The following GABRP variants were observed in gnomAD, a reference collection of about 807,000 sequenced individuals.
GABRP encodes the protein gamma-aminobutyric acid type A receptor subunit pi.
In GABRP, 52 loss-of-function variants were observed where a neutral mutation model predicts 47.8. The observed-to-expected ratio is 1.09, with a 90% CI of 0.87 to 1.37. The LOEUF (loss-of-function observed/expected upper bound fraction) is 1.37. Ranked by LOEUF, GABRP falls within the 40% of genes most tolerant of loss-of-function variation. The pLI, the probability that GABRP is intolerant of heterozygous loss-of-function variation, is 0.00. For synonymous variants in GABRP, 221 were observed against 205.8 expected (o/e 1.07, Z -0.63); for missense variants, 525 against 542.8 (o/e 0.97, Z 0.33).
intron 1 of GABRP, among the ~76,000 whole-genome samples, chr5:170,786,535 C>A (rs967057472): frequency 6.6e-6 from 1 of 152,194 alleles, no homozygotes; most frequent in Non-Finnish European, 1.5e-5. Flanking sequence ...ATTATAGGAA[C>A]TGACATGGAA....
Position 170,813,419 on chromosome 5 carries a change from A to C in GABRP, c.*1161A>C, listed in dbSNP as rs11134654. 0.82 allele frequency: 124,211 copies of C among 152,280 alleles called. 50,908 individuals carry two copies. Among genetic ancestry groups the C allele is most frequent in the East Asian group, 1 (5,175 of 5,184 alleles). 9.4% of individuals were successfully genotyped at this position (152,280 alleles called of 1,614,324 possible). Reference sequence around the variant, plus strand: ...CCCTGATCCTTCCAGCTGGTCTGCTATGAGTGGCTTATCCCGCATGAGCAG... The same window carrying C: ...CCCTGATCCTTCCAGCTGGTCTGCTCTGAGTGGCTTATCCCGCATGAGCAG... On this transcript the variant is annotated 3_prime_UTR_variant, in exon 10 of 10. Transcript: ENST00000265294.
Position 170,787,239 on chromosome 5 carries a change from T to C in GABRP, c.-42-1335T>C, listed in dbSNP as rs143675131. Among the ~76,000 whole-genome samples, 639 of 152,352 alleles carry C rather than the reference T, an allele frequency of 4.2e-3. 8 individuals are homozygous for C. Among genetic ancestry groups the C allele is most frequent in the African/African-American group, 0.014 (597 of 41,574 alleles). On this transcript the variant is annotated intron_variant, in intron 1 of 9. Transcript: ENST00000265294. ...ATAACATTAATGAGTGGCTGAATCA[T>C]GCCCTAAGCTCCAGAATGGCCAGAT...
At chr5:170,800,238 G>C (rs1765554664) in intron 6 of GABRP, among the ~76,000 whole-genome samples, 1 of 152,130 alleles carries the variant, frequency 6.6e-6, no homozygotes, top group Admixed American at 6.6e-5. Context: ...ACAAGAAATG[G>C]GGAAAGGATT....
chr5:170,798,782 A>ATT (rs573397984), intron 6 of GABRP, among the ~76,000 whole-genome samples: 6 of 140,724 alleles, frequency 4.3e-5, no homozygotes, highest in African/African-American at 1.9e-4. Context: ...TTCTTTTTTC[A>ATT]TTTTTTTTGT....
upstream of GABRP, among the ~76,000 whole-genome samples, chr5:170,783,441 T>C (rs1056641289): frequency 2.6e-5 from 4 of 152,108 alleles, no homozygotes; most frequent in Non-Finnish European, 4.4e-5. Context: ...GAGCCCGGCA[T>C]AGTGGGTGGG....
At chr5:170,810,016 C>T in intron 9 of GABRP, 1 of 700,246 alleles carries the variant, frequency 1.4e-6, no homozygotes, top group Non-Finnish European at 2.6e-6. Context: ...AGCATAAAAT[C>T]ACAACCACAG....
rs773754644 is a variant in GABRP, at chr5:170,794,224, A to G, written c.173-7A>G. 3.8e-6 allele frequency: 6 copies of G among 1,595,172 alleles called. No individual in the cohort carries two copies. Among genetic ancestry groups the G allele is most frequent in the Non-Finnish European group, 5.1e-6 (6 of 1,167,164 alleles). On this transcript the variant is annotated splice_polypyrimidine_tract_variant and splice_region_variant and intron_variant, in intron 3 of 9. Coordinates refer to ENST00000265294, the MANE Select transcript of GABRP (RefSeq NM_014211.3). ...TTTCCATTCTTTCTTGTTTTTTTTT[A>G]TCTTAGGAGAACCCGTACAGATAGC... is the stretch of plus-strand genomic sequence containing the variant.
chr5:170,811,582 G>A (rs915674110), intron 9 of GABRP, among the ~76,000 whole-genome samples: 2 of 152,216 alleles, frequency 1.3e-5, no homozygotes, highest in African/African-American at 4.8e-5. Flanking sequence ...TTTGGCAGGC[G>A]AGGAAATAAA....
At chr5:170,783,644 C>G (rs2127244733), upstream of GABRP, 1 of 152,268 alleles carries the variant, frequency 6.6e-6, no homozygotes, top group South Asian at 2.1e-4. Context: ...GTGTCCCCAC[C>G]AAGGATGGGG....
chr5:170,788,744 C>G, intron 2 of GABRP, 76 bp downstream of exon 2: 1 of 1,409,000 alleles, frequency 7.1e-7, no homozygotes, highest in South Asian at 1.2e-5. Flanking sequence ...GGGGGCAGCT[C>G]CTCCTATTCA....
At chr5:170,790,968 A>G (rs1765248674) in intron 3 of GABRP, among the ~76,000 whole-genome samples, 1 of 152,216 alleles carries the variant, frequency 6.6e-6, no homozygotes, top group Non-Finnish European at 1.5e-5. Context: ...TCCTGACATT[A>G]AAGAACCTAA....
intron 3 of GABRP, among the ~76,000 whole-genome samples, chr5:170,793,881 G>A (rs575396231): frequency 9.9e-4 from 150 of 152,246 alleles, no homozygotes; most frequent in Middle Eastern, 6.8e-3. Context: ...GTGGCGAGCC[G>A]AGATCGTGCT....
Position 170,808,648 on chromosome 5 carries a change from T to C in GABRP, c.728T>C (p.Leu243Pro). ...VLQFELRRNV[L>P]YFILETYVPS... ...CAGTTTGAGCTTCGGAGGAATGTTCTGTATTTCATTTTGGAAACCTACGTT... is the reference window on the plus strand; with the variant it reads ...CAGTTTGAGCTTCGGAGGAATGTTCCGTATTTCATTTTGGAAACCTACGTT... The change falls in exon 8 of 10, where the codon CTG becomes CCG. Residue 243 changes from leucine to proline, a missense_variant. By Grantham distance (98) the Leu-to-Pro change is moderately conservative. Coordinates refer to ENST00000265294, the MANE Select transcript of GABRP (RefSeq NM_014211.3). 2 of 1,614,096 alleles carry C rather than the reference T, an allele frequency of 1.2e-6. No individual in the cohort carries two copies. The highest frequency in any genetic ancestry group is 2.2e-5 in the South Asian group (2 of 91,078).
chr5:170,790,595 A>G (rs1765238299), intron 3 of GABRP, among the ~76,000 whole-genome samples: 1 of 151,976 alleles, frequency 6.6e-6, no homozygotes, highest in South Asian at 2.1e-4. Context: ...AAGCTAGGAG[A>G]GCTGTCAGAC....
chr5:170,808,632 C>T lies in GABRP; in HGVS notation c.712C>T (p.Leu238Phe). The stretch of plus-strand genomic sequence containing the variant: ...CACTAGATTGGTCTTACAGTTTGAG[C>T]TTCGGAGGAATGTTCTGTATTTCAT... The part of the protein sequence containing the change: ...NYTRLVLQFE[L>F]RRNVLYFILE... The change falls in exon 8 of 10, where the codon CTT becomes TTT. Residue 238 changes from leucine to phenylalanine, a missense_variant. Transcript: ENST00000265294. 2 of 1,614,026 alleles carry T rather than the reference C, an allele frequency of 1.2e-6. No homozygotes were observed. Among genetic ancestry groups the T allele is most frequent in the South Asian group, 1.1e-5 (1 of 91,076 alleles).
chr5:170,785,834 G>A (rs1423768397), intron 1 of GABRP, among the ~76,000 whole-genome samples: 1 of 152,222 alleles, frequency 6.6e-6, no homozygotes, highest in African/African-American at 2.4e-5. Context: ...GGTGGGAAGA[G>A]GCTGATAAGC....
intron 9 of GABRP, 84 bp downstream of exon 9, chr5:170,809,839 C>T: frequency 6.4e-6 from 8 of 1,251,476 alleles, no homozygotes; most frequent in Middle Eastern, 2.0e-4. Flanking sequence ...TGGCTTCTAT[C>T]CCCACCCCAC....
chr5:170,785,126 T>C (rs1419866345), intron 1 of GABRP, among the ~76,000 whole-genome samples: 1 of 152,232 alleles, frequency 6.6e-6, no homozygotes, highest in Non-Finnish European at 1.5e-5. Flanking sequence ...TTGGCTCGTC[T>C]ACCACAGGGA....
intron 4 of GABRP, 120 bp from the exon 5 acceptor site, chr5:170,795,088 T>C (rs1397997986): frequency 3.7e-5 from 27 of 735,456 alleles, no homozygotes; most frequent in Non-Finnish European, 6.4e-5. Flanking sequence ...CCAAAGTCTG[T>C]GTATTCTTGC....
Sources: allele counts gnomAD v4.1 joint callset (sites outside exome capture counted in the v4.1 genomes callset), GRCh38; gene constraint gnomAD v4.1.1; transcripts MANE v1.5; gene names NCBI Gene and HGNC (gene_info 2026-07-23, HGNC 2026-07-21).